CDK17: variants seen among roughly 807,000 people sequenced by gnomAD.
The protein encoded by CDK17 is cyclin-dependent kinase 17.
A neutral mutation model predicts 77.6 loss-of-function variants in CDK17; 24 were observed. That is an observed-to-expected ratio of 0.31 (90% confidence interval 0.22 to 0.44). The LOEUF (loss-of-function observed/expected upper bound fraction) is 0.44. Ranked by LOEUF, CDK17 falls within the 20% of genes least tolerant of loss-of-function variation. The pLI, the probability that CDK17 is intolerant of heterozygous loss-of-function variation, is 1.00. For missense variants in CDK17, 429 were observed against 622.5 expected, an observed-to-expected ratio of 0.69 and a Z score of 3.31; for synonymous variants, 203 against 210.4, an observed-to-expected ratio of 0.96 and a Z score of 0.30.
intron 1 of CDK17, among the ~76,000 whole-genome samples, chr12:96,337,365 A>G (rs1953056488): frequency 6.6e-6 from 1 of 152,112 alleles, no homozygotes; most frequent in Non-Finnish European, 1.5e-5. Flanking sequence ...ACCAGCACAG[A>G]GTGTGTCTGT....
intron 3 of CDK17, among the ~76,000 whole-genome samples, chr12:96,317,713 A>C (rs1952752036): frequency 1.4e-5 from 2 of 139,606 alleles, no homozygotes; most frequent in Admixed American, 1.5e-4. Flanking sequence ...TCATAAGTGA[A>C]GGAGAAATAA....
intron 1 of CDK17, among the ~76,000 whole-genome samples, chr12:96,359,462 G>C (rs1953460469): frequency 6.6e-6 from 1 of 152,196 alleles, no homozygotes; most frequent in African/African-American, 2.4e-5. Flanking sequence ...ACTATGGCAA[G>C]AGGATAAACA....
At chr12:96,289,394 C>T (rs1025616780) in intron 10 of CDK17, 107 bp from the exon 11 acceptor site, 15 of 1,265,562 alleles carry the variant, frequency 1.2e-5, no homozygotes, top group African/African-American at 7.4e-5. Context: ...ATGGTTAATT[C>T]GTAGCTTCTT....
chr12:96,299,933 T>C (rs1952472994), intron 6 of CDK17, among the ~76,000 whole-genome samples: 1 of 152,182 alleles, frequency 6.6e-6, no homozygotes. Flanking sequence ...CTTCAAAAAA[T>C]GTGTTTTTAT....
chr12:96,301,628 C>T (rs574013402), intron 5 of CDK17, among the ~76,000 whole-genome samples: 40 of 152,150 alleles, frequency 2.6e-4, no homozygotes, highest in African/African-American at 9.6e-4. Context: ...TGCTAATGCC[C>T]TTAAATAAAA....
Position 96,294,539 on chromosome 12 carries a change from C to T in CDK17, c.997+460G>A, listed in dbSNP as rs578063314. ...CAGAGGTTGCAGTGAGTCAAGATCA[C>T]ACCACTGCACTCCAGCCTGGGCTTT... is the stretch of plus-strand genomic sequence containing the variant. On this transcript the variant is annotated intron_variant, in intron 10 of 16. Transcript: ENST00000261211. Among the ~76,000 whole-genome samples, 7 of 127,510 alleles carry T rather than the reference C, an allele frequency of 5.5e-5. No individual in the cohort carries two copies. In the South Asian group the frequency reaches 1.7e-3, roughly 31 times the overall value. 83.7% of individuals were successfully genotyped at this position (127,510 alleles called of 152,430 possible).
At chr12:96,313,720 T>C (rs1023788257) in intron 3 of CDK17, among the ~76,000 whole-genome samples, 12 of 152,186 alleles carry the variant, frequency 7.9e-5, no homozygotes, top group African/African-American at 2.9e-4. Context: ...AATTATAAAC[T>C]GGAAATAATA....
chr12:96,319,182 T>C (rs977440036), intron 3 of CDK17, among the ~76,000 whole-genome samples: 1 of 151,502 alleles, frequency 6.6e-6, no homozygotes, highest in Non-Finnish European at 1.5e-5. Flanking sequence ...TGTACGCAAA[T>C]AAACTAGAAA....
intron 1 of CDK17, chr12:96,399,175 A>C (rs188856043): frequency 1.3e-5 from 2 of 152,470 alleles, no homozygotes; most frequent in African/African-American, 4.8e-5. Context: ...GGGTGACAGG[A>C]GGGAGGGAAT....
chr12:96,338,489 G>A (rs376375721), intron 1 of CDK17, among the ~76,000 whole-genome samples: 96 of 152,298 alleles, frequency 6.3e-4, no homozygotes, highest in African/African-American at 2.3e-3. Flanking sequence ...AAAGTCCTAA[G>A]AGATGGTAGC....
chr12:96,282,513 TG>T lies in CDK17; in HGVS notation c.1451del (p.Pro484GlnfsTer9). On this transcript the variant is annotated frameshift_variant, in exon 15 of 17. Coordinates refer to ENST00000261211, the MANE Select transcript of CDK17 (RefSeq NM_002595.5). LOFTEE classifies it high-confidence loss of function. ...RSLGPRIHAL[P>X]ESVSIFSLKE... ...ACACTTTAGGATTTCTCTTACTTTCTGGTAAAGCATGTATTCTTGGTCCCAG... is the reference window on the plus strand; with the variant it reads ...ACACTTTAGGATTTCTCTTACTTTCTGTAAAGCATGTATTCTTGGTCCCAG... The T allele has an allele frequency of 6.3e-7, 1 of 1,596,490 alleles. No individual in the cohort carries two copies. The highest frequency in any genetic ancestry group is 8.6e-7 in the Non-Finnish European group (1 of 1,164,032).
At chr12:96,347,760 C>A (rs201015049) in intron 1 of CDK17, among the ~76,000 whole-genome samples, 2 of 151,994 alleles carry the variant, frequency 1.3e-5, no homozygotes. Context: ...ACTCTTCAAG[C>A]GCATATGGAA....
rs979110512 is a variant in CDK17 at position 96,386,369 on chromosome 12, C to T, written c.-30+13617G>A. Among the ~76,000 whole-genome samples the T allele has an allele frequency of 5.3e-5, 8 of 152,250 alleles. 1 individual carries two copies. The South Asian group carries it at 1.7e-3, about 32-fold the overall frequency. On this transcript the variant is annotated intron_variant, in intron 1 of 16. Transcript: ENST00000261211. ...TGTTCGTTAAAAACTGACATACTGG[C>T]CAGACACAGAGGCACATGCCTGCAA...
intron 14 of CDK17, 57 bp downstream of exon 14, chr12:96,283,546 C>A: frequency 3.0e-6 from 3 of 1,015,324 alleles, no homozygotes; most frequent in Non-Finnish European, 4.7e-6. Flanking sequence ...CCATTCTACA[C>A]ATGAAGAAGC....
intron 1 of CDK17, among the ~76,000 whole-genome samples, chr12:96,378,391 G>A (rs905063326): frequency 2.0e-5 from 3 of 152,104 alleles, no homozygotes; most frequent in Admixed American, 6.6e-5. Context: ...TAACTCATTC[G>A]TGTTTTTGTT....
At chr12:96,305,721 C>CA (rs1157633620) in intron 5 of CDK17, among the ~76,000 whole-genome samples, 4 of 151,898 alleles carry the variant, frequency 2.6e-5, no homozygotes, top group South Asian at 2.1e-4. Flanking sequence ...TTAATGGCCA[C>CA]CCCCTTTTTT....
intron 1 of CDK17, chr12:96,387,278 C>G (rs1953991867): frequency 5.3e-6 from 1 of 188,006 alleles, no homozygotes; most frequent in African/African-American, 2.4e-5. Context: ...AAGTATGAAT[C>G]TACTTTAAAT....
intron 10 of CDK17, among the ~76,000 whole-genome samples, chr12:96,293,247 C>T (rs896374209): frequency 6.6e-6 from 1 of 151,964 alleles, no homozygotes; most frequent in African/African-American, 2.4e-5. Context: ...CTATGTTGCC[C>T]AGGCTGGTCT....
At chr12:96,330,319 A>G (rs1344116726) in intron 2 of CDK17, among the ~76,000 whole-genome samples, 1 of 152,156 alleles carries the variant, frequency 6.6e-6, no homozygotes, top group Non-Finnish European at 1.5e-5. Flanking sequence ...CATCAAATAC[A>G]TTGAGTGTTT....
Sources: allele counts gnomAD v4.1 joint callset (sites outside exome capture counted in the v4.1 genomes callset), GRCh38; gene constraint gnomAD v4.1.1; transcripts MANE v1.5; gene names NCBI Gene and HGNC (gene_info 2026-07-23, HGNC 2026-07-21).